Variants in R3HDM2 observed in about 807,000 individuals in gnomAD.
R3HDM2 encodes R3H domain containing 2, also known as R3H domain-containing protein 2.
R3HDM2 carries 38 observed loss-of-function variants against 124.5 expected under a neutral mutation model. That is an observed-to-expected ratio of 0.31 (90% CI 0.24 to 0.40). The LOEUF (loss-of-function observed/expected upper bound fraction) is 0.40. Ranked by LOEUF, R3HDM2 falls within the 10% of genes least tolerant of loss-of-function variation. The pLI, the probability that R3HDM2 is intolerant of heterozygous loss-of-function variation, is 1.00. For synonymous variants in R3HDM2, 391 were observed against 448.0 expected (o/e 0.87, Z 1.61); for missense variants, 869 against 1,236.9 (o/e 0.70, Z 4.46).
At chr12:57,328,368 CT>C (rs2057621607) in intron 2 of R3HDM2, among the ~76,000 whole-genome samples, 1 of 151,022 alleles carries the variant, frequency 6.6e-6, no homozygotes. Flanking sequence ...GGCCAGTTGT[CT>C]TATCTTAAGA....
At chr12:57,427,955 T>C (rs988941405) in intron 1 of R3HDM2, among the ~76,000 whole-genome samples, 1 of 151,598 alleles carries the variant, frequency 6.6e-6, no homozygotes, top group Admixed American at 6.6e-5. Flanking sequence ...CTGTGTGTAC[T>C]AAAAATACAA....
intron 2 of R3HDM2, among the ~76,000 whole-genome samples, chr12:57,322,902 G>A (rs1307078226): frequency 6.6e-6 from 1 of 152,048 alleles, no homozygotes; most frequent in African/African-American, 2.4e-5. Context: ...GAGTACCAGT[G>A]GGGGAACATA....
intron 2 of R3HDM2, among the ~76,000 whole-genome samples, chr12:57,374,064 G>A (rs756778242): frequency 3.3e-5 from 5 of 151,710 alleles, no homozygotes; most frequent in East Asian, 1.9e-4. Context: ...GGAGACAGAG[G>A]TTGCAGTGAG....
chr12:57,409,727 C>T (rs1013111559), intron 1 of R3HDM2, among the ~76,000 whole-genome samples: 1 of 151,918 alleles, frequency 6.6e-6, no homozygotes, highest in African/African-American at 2.4e-5. Context: ...TGGTTTATTC[C>T]TCTAATTATA....
chr12:57,348,576 C>A (rs534982687), intron 2 of R3HDM2, among the ~76,000 whole-genome samples: 16 of 151,978 alleles, frequency 1.1e-4, no homozygotes, highest in African/African-American at 3.6e-4. Context: ...CGCCTGTAAT[C>A]CCAGCTACTC....
intron 1 of R3HDM2, among the ~76,000 whole-genome samples, chr12:57,421,642 G>A (rs189760728): frequency 9.2e-5 from 14 of 151,414 alleles, no homozygotes; most frequent in Admixed American, 8.6e-4. Context: ...AAATAGCTGG[G>A]ACTATAGGTG....
At chr12:57,328,371 A>G (rs963980457) in intron 2 of R3HDM2, among the ~76,000 whole-genome samples, 2 of 151,730 alleles carry the variant, frequency 1.3e-5, no homozygotes, top group African/African-American at 4.9e-5. Flanking sequence ...CAGTTGTCTT[A>G]TCTTAAGAAA....
intron 2 of R3HDM2, among the ~76,000 whole-genome samples, chr12:57,383,770 T>G (rs915505617): frequency 4.6e-5 from 7 of 152,150 alleles, no homozygotes; most frequent in Admixed American, 1.3e-4. Flanking sequence ...CTGAGGGTCC[T>G]GCTTGCTTAG....
chr12:57,276,758 G>A (rs531128481), intron 14 of R3HDM2, among the ~76,000 whole-genome samples: 33 of 152,086 alleles, frequency 2.2e-4, no homozygotes, highest in African/African-American at 6.5e-4. Flanking sequence ...GTGGTGGTGC[G>A]TGCCTGTAAT....
At chr12:57,358,178 G>A (rs2061506968) in intron 2 of R3HDM2, among the ~76,000 whole-genome samples, 1 of 151,548 alleles carries the variant, frequency 6.6e-6, no homozygotes, top group Admixed American at 6.6e-5. Context: ...GTAGATATGG[G>A]GTTTTGCCAT....
chr12:57,307,276 C>G (rs377609045), intron 3 of R3HDM2, among the ~76,000 whole-genome samples: 13 of 151,744 alleles, frequency 8.6e-5, no homozygotes, highest in African/African-American at 3.1e-4. Flanking sequence ...GGTATAAAAC[C>G]AGGGAAGGCT....
chr12:57,319,515 G>T (rs1566130104), intron 2 of R3HDM2, among the ~76,000 whole-genome samples: 5 of 128,960 alleles, frequency 3.9e-5, no homozygotes. Context: ...CTCTTTGGTA[G>T]TTCCTCCCAC....
chr12:57,396,679 T>C (rs923614483), intron 1 of R3HDM2, among the ~76,000 whole-genome samples: 2 of 149,472 alleles, frequency 1.3e-5, no homozygotes, highest in African/African-American at 4.9e-5. Context: ...CTCAGAAGGC[T>C]GAGCCAGAGA....
At chr12:57,263,576 C>T (rs969168408) in intron 19 of R3HDM2, among the ~76,000 whole-genome samples, 18 of 152,154 alleles carry the variant, frequency 1.2e-4, no homozygotes, top group Admixed American at 9.2e-4. Context: ...TCAAGCAATT[C>T]TCATGCCTCA....
intron 3 of R3HDM2, among the ~76,000 whole-genome samples, chr12:57,307,270 T>A (rs1345702021): frequency 2.0e-5 from 3 of 152,008 alleles, no homozygotes; most frequent in African/African-American, 7.2e-5. Flanking sequence ...TTCTAGGGTA[T>A]AAAACCAGGG....
At chr12:57,326,987 C>A (rs1241795449) in intron 2 of R3HDM2, among the ~76,000 whole-genome samples, 4 of 149,398 alleles carry the variant, frequency 2.7e-5, no homozygotes, top group African/African-American at 2.4e-5. Context: ...ATATGTTGCT[C>A]AAAAAAAAAA....
chr12:57,376,959 A>T lies in R3HDM2; in HGVS notation c.-36+18790T>A, dbSNP rs186466032. 2.0e-5 allele frequency among the ~76,000 whole-genome samples: 3 copies of T among 151,920 alleles called. No homozygotes were observed. The East Asian group carries it at 5.8e-4, about 29-fold the overall frequency. Reference sequence around the variant, plus strand: ...GAATGAGACTCAGTAAAAAAAATAAAAAATAAAAAAAAATTTTAAAAAAGG... The same window carrying T: ...GAATGAGACTCAGTAAAAAAAATAATAAATAAAAAAAAATTTTAAAAAAGG... On this transcript the variant is annotated intron_variant, in intron 2 of 23. Coordinates refer to ENST00000402412, the MANE Select transcript of R3HDM2 (RefSeq NM_001394031.1).
At chr12:57,265,012 C>T (rs1248109920) in intron 19 of R3HDM2, among the ~76,000 whole-genome samples, 1 of 152,102 alleles carries the variant, frequency 6.6e-6, no homozygotes, top group African/African-American at 2.4e-5. Flanking sequence ...GGCAGCTGTA[C>T]TTGCGTGTTA....
rs562206052 is a variant in R3HDM2, at chr12:57,315,268, C to T, written c.-35-4805G>A. On this transcript the variant is annotated intron_variant, in intron 2 of 23. Coordinates refer to ENST00000402412, the MANE Select transcript of R3HDM2 (RefSeq NM_001394031.1). ...GGCCAGGCTGGTCTCCAACTCCTGA[C>T]CTCAGGTGATCCACCCACCACTTCG... Among the ~76,000 whole-genome samples, 6 of 152,058 alleles carry T rather than the reference C, an allele frequency of 3.9e-5. No homozygotes were observed. In the South Asian group the frequency reaches 6.2e-4, roughly 16 times the overall value.
Sources: gnomAD v4.1 joint callset for allele counts (sites outside exome capture counted in the v4.1 genomes callset) on GRCh38, gnomAD v4.1.1 for gene constraint, MANE v1.5 for transcripts, NCBI Gene and HGNC (gene_info 2026-07-23, HGNC 2026-07-21) for gene names.